Variants in CLNK observed in about 807,000 individuals in gnomAD.
CLNK encodes cytokine-dependent hematopoietic cell linker.
A neutral mutation model predicts 68.6 loss-of-function variants in CLNK; 74 were observed. The ratio of observed to expected loss-of-function variants is 1.08; its 90% CI spans 0.89 to 1.31. CLNK has a LOEUF of 1.31. CLNK is among the 50% of genes most tolerant of loss of function. The probability of loss-of-function intolerance (pLI) is 0.00; values close to 1 mark genes in which losing one functional copy is unlikely to be tolerated. For missense variants in CLNK, 553 were observed against 515.3 expected (o/e 1.07, Z -0.71); for synonymous variants, 198 against 172.2 (o/e 1.15, Z -1.17).
At chr4:10,706,742 C>G in the CLNK span, among the ~76,000 whole-genome samples, 1,900 of 152,274 alleles carry the variant, frequency 0.012, 12 homozygotes, top group East Asian at 0.056. Context: ...GTGGGCCACT[C>G]AACAAGGCAC....
At chr4:10,731,873 T>G in the CLNK span, among the ~76,000 whole-genome samples, 1 of 152,142 alleles carries the variant, frequency 6.6e-6, no homozygotes, top group Admixed American at 6.5e-5. Flanking sequence ...AGTCTGAAGT[T>G]TGGTGAGTTT....
the CLNK span, among the ~76,000 whole-genome samples, chr4:10,727,567 A>T: frequency 1.5e-3 from 228 of 152,186 alleles, no homozygotes; most frequent in African/African-American, 5.2e-3. Context: ...GACAGCACTT[A>T]TTGAAATAAA....
intron 14 of CLNK, among the ~76,000 whole-genome samples, chr4:10,521,483 G>A (rs1224701877): frequency 6.6e-6 from 1 of 152,168 alleles, no homozygotes. Flanking sequence ...ATCAACATAA[G>A]CTCCAGGTGC....
the CLNK span, among the ~76,000 whole-genome samples, chr4:10,723,673 G>A: frequency 3.3e-5 from 5 of 151,980 alleles, no homozygotes; most frequent in East Asian, 1.9e-4. Flanking sequence ...ACCCTTGTGC[G>A]GTAATAACAA....
At chr4:10,537,059 C>G (rs1718787142) in intron 11 of CLNK, among the ~76,000 whole-genome samples, 1 of 152,136 alleles carries the variant, frequency 6.6e-6, no homozygotes, top group Admixed American at 6.6e-5. Context: ...CCTGGGGGAG[C>G]CTTAAAAATT....
intron 3 of CLNK, among the ~76,000 whole-genome samples, chr4:10,589,203 T>C (rs946559467): frequency 6.6e-6 from 1 of 152,336 alleles, no homozygotes; most frequent in Admixed American, 6.5e-5. Flanking sequence ...CATTTCCAGC[T>C]CCACTTTGCA....
chr4:10,661,834 G>C (rs1035767884), intron 2 of CLNK, among the ~76,000 whole-genome samples: 3 of 152,172 alleles, frequency 2.0e-5, no homozygotes, highest in East Asian at 1.9e-4. Context: ...AAGGTAATCA[G>C]CTCTTTATCC....
the CLNK span, among the ~76,000 whole-genome samples, chr4:10,693,379 A>AAGAAGAGAGCTGTACAG: frequency 6.6e-6 from 1 of 152,214 alleles, no homozygotes; most frequent in Non-Finnish European, 1.5e-5. Flanking sequence ...ACCCTTAAAA[A>AAGAAGAGAGCTGTACAG]AGAAGAGAGC....
chr4:10,532,080 T>G (rs1255571349), intron 12 of CLNK, 176 bp downstream of exon 12: 3 of 667,566 alleles, frequency 4.5e-6, no homozygotes, highest in Admixed American at 2.3e-5. Flanking sequence ...AATCTGGAGC[T>G]AAGCTTGTTT....
the CLNK span, among the ~76,000 whole-genome samples, chr4:10,725,068 A>T: frequency 2.0e-5 from 3 of 152,128 alleles, no homozygotes; most frequent in Non-Finnish European, 4.4e-5. Context: ...TTGAGCTCAC[A>T]GTCTGTTTTC....
the CLNK span, among the ~76,000 whole-genome samples, chr4:10,733,081 C>G: frequency 2.0e-5 from 3 of 152,098 alleles, no homozygotes; most frequent in Non-Finnish European, 2.9e-5. Context: ...TCCAAGCCCC[C>G]CTTTCGGTTA....
intron 3 of CLNK, among the ~76,000 whole-genome samples, chr4:10,593,665 A>C (rs1234852620): frequency 6.6e-6 from 1 of 152,064 alleles, no homozygotes; most frequent in Non-Finnish European, 1.5e-5. Context: ...AAACAAAACA[A>C]AACAAAACAA....
At chr4:10,608,270 C>T (rs1413750182) in intron 2 of CLNK, among the ~76,000 whole-genome samples, 2 of 152,242 alleles carry the variant, frequency 1.3e-5, no homozygotes, top group Non-Finnish European at 2.9e-5. Flanking sequence ...AACTGAACTT[C>T]CTGCTCAGCT....
chr4:10,611,512 TG>T (rs1203030859), intron 2 of CLNK, among the ~76,000 whole-genome samples: 1 of 67,588 alleles, frequency 1.5e-5, no homozygotes, highest in Non-Finnish European at 3.5e-5. Flanking sequence ...AAAAAAAAAA[TG>T]TAGTGGACCT....
intron 2 of CLNK, among the ~76,000 whole-genome samples, chr4:10,647,028 G>C (rs1472468990): frequency 6.6e-6 from 1 of 152,086 alleles, no homozygotes; most frequent in African/African-American, 2.4e-5. Flanking sequence ...CTCTATCCTT[G>C]TGTTTCCCAG....
chr4:10,651,508 T>G (rs1194007035), intron 2 of CLNK, among the ~76,000 whole-genome samples: 4 of 152,200 alleles, frequency 2.6e-5, no homozygotes, highest in African/African-American at 9.7e-5. Flanking sequence ...TGGGAACACA[T>G]GGACACAGGG....
At chr4:10,532,138 G>A (rs1415077960) in intron 12 of CLNK, 118 bp downstream of exon 12, 9 of 775,102 alleles carry the variant, frequency 1.2e-5, no homozygotes, top group Non-Finnish European at 2.0e-5. Flanking sequence ...TGCATTTTGA[G>A]CATAGCTATT....
At chr4:10,665,824 C>T (rs1724375907) in intron 2 of CLNK, among the ~76,000 whole-genome samples, 1 of 152,152 alleles carries the variant, frequency 6.6e-6, no homozygotes. Flanking sequence ...AAGGCTGCTG[C>T]CCTGGACTGA....
intron 18 of CLNK, among the ~76,000 whole-genome samples, chr4:10,497,759 C>G (rs574573311): frequency 1.3e-5 from 2 of 152,296 alleles, no homozygotes; most frequent in South Asian, 4.1e-4. Context: ...ATGTCCTTTC[C>G]AGAGCTTTTT....
Sources: gnomAD v4.1 joint callset for allele counts (sites outside exome capture counted in the v4.1 genomes callset) on GRCh38, gnomAD v4.1.1 for gene constraint, MANE v1.5 for transcripts, NCBI Gene and HGNC (gene_info 2026-07-23, HGNC 2026-07-21) for gene names.